Variants in IQGAP2 observed in about 807,000 individuals in gnomAD.
IQGAP2 encodes ras GTPase-activating-like protein IQGAP2.
A neutral mutation model predicts 201.3 loss-of-function variants in IQGAP2; 173 were observed. That is an observed-to-expected ratio of 0.86 (90% CI 0.76 to 0.98). IQGAP2 has a LOEUF of 0.98. IQGAP2 is among the 50% of genes least tolerant of loss of function. The pLI is 0.00. For synonymous variants in IQGAP2, 675 were observed against 673.9 expected (o/e 1.00, Z -0.03); for missense variants, 1,687 against 1,864.8 (o/e 0.90, Z 1.76).
chr5:76,422,601 G>A (rs1384945869), intron 1 of IQGAP2, among the ~76,000 whole-genome samples: 6 of 152,128 alleles, frequency 3.9e-5, no homozygotes, highest in East Asian at 3.9e-4. Context: ...ATTTTGAAAC[G>A]CAGACAATCC....
intron 1 of IQGAP2, among the ~76,000 whole-genome samples, chr5:76,410,428 TTTCA>T (rs149793931): frequency 0.015 from 2,255 of 152,190 alleles, 75 homozygotes; most frequent in African/African-American, 0.052. Flanking sequence ...ACCCCAAACT[TTTCA>T]TTAGAGACAT....
At chr5:76,656,869 A>T (rs1392859821) in intron 20 of IQGAP2, among the ~76,000 whole-genome samples, 1 of 150,156 alleles carries the variant, frequency 6.7e-6, no homozygotes. Flanking sequence ...CATCTTTAGA[A>T]AACTAAGGCT....
intron 32 of IQGAP2, among the ~76,000 whole-genome samples, chr5:76,696,957 T>G (rs139555802): frequency 2.8e-4 from 43 of 152,260 alleles, no homozygotes; most frequent in Non-Finnish European, 4.6e-4. Flanking sequence ...TATGTAGGTA[T>G]TTCTTTGAAT....
Position 76,461,923 on chromosome 5 carries a change from G to A in IQGAP2, c.146+254G>A, listed in dbSNP as rs537588453. ...TGCTCCACTCCTGAGTCACAGCTGG[G>A]TGCACATCACACTCCTGTGCATATG... is the stretch of plus-strand genomic sequence containing the variant. On this transcript the variant is annotated intron_variant, in intron 2 of 35. Transcript: ENST00000274364. Among the ~76,000 whole-genome samples the A allele has an allele frequency of 9.8e-5, 15 of 152,306 alleles. No homozygotes were observed. The East Asian group carries it at 2.1e-3, about 22-fold the overall frequency.
Position 76,668,696 on chromosome 5 carries a change from T to C in IQGAP2, c.2695T>C (p.Leu899=). The change falls in exon 23 of 36, where the codon TTG becomes CTG. Residue 899 remains leucine (L), a synonymous_variant. Transcript: ENST00000274364. ...TTCCTTCTAGACCAACCCTTTATAC[T>C]TGGCTAAGCTGATTTTCCAGATGCC... ...FYLLQTNPLY[L]AKLIFQMPQN... is the part of the protein sequence containing the mutation. The C allele has an allele frequency of 6.2e-7, 1 of 1,610,574 alleles. No individual in the cohort carries two copies. The highest frequency in any genetic ancestry group is 8.5e-7 in the Non-Finnish European group (1 of 1,178,910).
At chr5:76,674,108 T>G (rs1208347527) in intron 26 of IQGAP2, 72 bp downstream of exon 26, 2 of 832,522 alleles carry the variant, frequency 2.4e-6, no homozygotes, top group African/African-American at 3.4e-5. Context: ...CATATAACTT[T>G]GTAAGATTAT....
intron 4 of IQGAP2, among the ~76,000 whole-genome samples, chr5:76,573,413 T>A (rs1261284225): frequency 6.6e-6 from 1 of 152,226 alleles, no homozygotes; most frequent in East Asian, 1.9e-4. Context: ...GTGCTCAGTA[T>A]CATGCTAGGT....
chr5:76,476,995 C>A (rs1275824502), intron 2 of IQGAP2, among the ~76,000 whole-genome samples: 1 of 152,146 alleles, frequency 6.6e-6, no homozygotes, highest in African/African-American at 2.4e-5. Flanking sequence ...TGTTCTAATT[C>A]ATTTTCTAAG....
intron 4 of IQGAP2, among the ~76,000 whole-genome samples, chr5:76,573,349 A>C (rs1021675039): frequency 6.6e-6 from 1 of 152,196 alleles, no homozygotes; most frequent in African/African-American, 2.4e-5. Flanking sequence ...GTTGACTTTG[A>C]TGTATCATAT....
chr5:76,502,793 T>C (rs946090032), intron 2 of IQGAP2, among the ~76,000 whole-genome samples: 6 of 152,216 alleles, frequency 3.9e-5, no homozygotes, highest in African/African-American at 1.4e-4. Flanking sequence ...TGGAGTCCAG[T>C]GGTGCAGTCA....
chr5:76,435,436 G>A (rs755195670), intron 1 of IQGAP2, among the ~76,000 whole-genome samples: 61 of 151,982 alleles, frequency 4.0e-4, no homozygotes, highest in Non-Finnish European at 2.8e-4. Context: ...CCCCAGTTCC[G>A]ATTATTAAAT....
rs541439947 is a variant in IQGAP2, at chr5:76,605,184, A to G, written c.1233-995A>G. On this transcript the variant is annotated intron_variant, in intron 11 of 35. Transcript: ENST00000274364. ...TGAAAATTGGAAAGTGGGAAAATTGATAATTGAGAAGTAAAAGTTTCTTAA... is the reference window on the plus strand; with the variant it reads ...TGAAAATTGGAAAGTGGGAAAATTGGTAATTGAGAAGTAAAAGTTTCTTAA... Among the ~76,000 whole-genome samples the G allele has an allele frequency of 2.6e-5, 4 of 152,314 alleles. 1 individual carries two copies. Among genetic ancestry groups the G allele is most frequent in the African/African-American group, 9.6e-5 (4 of 41,576 alleles).
chr5:76,581,375 C>G (rs1275058236), intron 5 of IQGAP2, among the ~76,000 whole-genome samples: 5 of 152,186 alleles, frequency 3.3e-5, no homozygotes, highest in Non-Finnish European at 7.3e-5. Context: ...TTTCTTAGCT[C>G]AAAGGACAGG....
intron 1 of IQGAP2, among the ~76,000 whole-genome samples, chr5:76,436,486 TATATATATATATATATATATATATA>T (rs1752660368): frequency 7.8e-5 from 1 of 12,774 alleles, no homozygotes; most frequent in African/African-American, 4.4e-4. Context: ...CATATATATA[TATATATATATATATATATATATATA>T]TATATATTTT....
intron 14 of IQGAP2, among the ~76,000 whole-genome samples, chr5:76,628,938 A>C (rs1235941435): frequency 6.6e-6 from 1 of 152,248 alleles, no homozygotes; most frequent in African/African-American, 2.4e-5. Context: ...TAATTTAGAC[A>C]TTCAAATAGC....
intron 21 of IQGAP2, among the ~76,000 whole-genome samples, chr5:76,662,921 G>A (rs1033855196): frequency 2.0e-5 from 3 of 152,202 alleles, no homozygotes; most frequent in African/African-American, 7.2e-5. Context: ...GTAAGTCAAG[G>A]CTGCCTCTCT....
In IQGAP2 at chr5:76,590,465, C is replaced by A. The variant is rs1746568900; in HGVS notation, c.698C>A (p.Thr233Asn). The A allele has an allele frequency of 6.2e-7, 1 of 1,613,662 alleles. No homozygotes were observed. Among genetic ancestry groups the A allele is most frequent in the Non-Finnish European group, 8.5e-7 (1 of 1,179,824 alleles). ...GTTGAAAAAGGAATAGCAGAGCAAA[C>A]CGTTGTAACACTAAGAAACCCAAAT... ...EAVEKGIAEQ[T>N]VVTLRNPNAV... The change falls in exon 8 of 36, where the codon ACC becomes AAC. Residue 233 changes from threonine to asparagine, a missense_variant. Thr to Asn is a moderately conservative substitution (Grantham distance 65, BLOSUM62 0). Transcript: ENST00000274364.
At chr5:76,412,201 A>G (rs1368831783) in intron 1 of IQGAP2, among the ~76,000 whole-genome samples, 1 of 152,210 alleles carries the variant, frequency 6.6e-6, no homozygotes, top group African/African-American at 2.4e-5. Context: ...AAAAGATAGG[A>G]GGACATTTTT....
intron 1 of IQGAP2, among the ~76,000 whole-genome samples, chr5:76,423,648 C>A (rs952779963): frequency 6.6e-6 from 1 of 152,076 alleles, no homozygotes. Context: ...GCTTGGTCAT[C>A]ATCAAAGCTG....
Sources: gnomAD v4.1 joint callset for allele counts (sites outside exome capture counted in the v4.1 genomes callset) on GRCh38, gnomAD v4.1.1 for gene constraint, MANE v1.5 for transcripts, NCBI Gene and HGNC (gene_info 2026-07-23, HGNC 2026-07-21) for gene names.